BCAS4: variants seen among roughly 807,000 people sequenced by gnomAD.
The protein encoded by BCAS4 is breast carcinoma-amplified sequence 4.
Under a neutral mutation model 15.7 loss-of-function variants are expected in BCAS4, and 9 were observed. The observed-to-expected ratio is 0.57, with a 90% confidence interval of 0.34 to 1.00. The LOEUF (loss-of-function observed/expected upper bound fraction) is 1.00, where lower values mean the gene tolerates loss of function less well. Among genes scored for constraint, BCAS4 ranks in the 50% least tolerant of loss-of-function variants. BCAS4 has a pLI of 0.02. For synonymous variants in BCAS4, 101 were observed against 99.5 expected (o/e 1.02, Z -0.09); for missense variants, 225 against 239.1 (o/e 0.94, Z 0.39).
intron 1 of BCAS4, among the ~76,000 whole-genome samples, chr20:50,812,166 T>C (rs1235651953): frequency 2.6e-5 from 4 of 152,098 alleles, no homozygotes; most frequent in Non-Finnish European, 5.9e-5. Flanking sequence ...GGAATCTCAC[T>C]CTGTTGCCCA....
Position 50,820,518 on chromosome 20 carries a change from C to T in BCAS4, c.162+2236C>T, listed in dbSNP as rs866972662. Among the ~76,000 whole-genome samples the T allele has an allele frequency of 5.9e-5, 9 of 152,246 alleles. 1 individual carries two copies. The South Asian group carries it at 1.7e-3, about 28-fold the overall frequency. ...TATGGCTGGGCACTGGGTGAAGGATCGTGGTTGCGGGCAGGGAAGGCAGGT... is the reference window on the plus strand; with the variant it reads ...TATGGCTGGGCACTGGGTGAAGGATTGTGGTTGCGGGCAGGGAAGGCAGGT... On this transcript the variant is annotated intron_variant, in intron 2 of 4. Coordinates refer to ENST00000371608, the MANE Select transcript of BCAS4 (RefSeq NM_198799.4).
intron 1 of BCAS4, among the ~76,000 whole-genome samples, chr20:50,800,559 C>CTTT (rs562113048): frequency 1.7e-4 from 19 of 112,622 alleles, no homozygotes; most frequent in African/African-American, 3.7e-4. Flanking sequence ...TTGAACATCC[C>CTTT]TTTTTTTTTT....
chr20:50,871,262 C>T (rs947379223), intron 4 of BCAS4, among the ~76,000 whole-genome samples: 1 of 152,230 alleles, frequency 6.6e-6, no homozygotes, highest in Admixed American at 6.5e-5. Context: ...TGAGACATAG[C>T]GACTCCTCCC....
At chr20:50,836,969 A>C (rs1446049747) in intron 3 of BCAS4, among the ~76,000 whole-genome samples, 1 of 152,108 alleles carries the variant, frequency 6.6e-6, no homozygotes, top group Non-Finnish European at 1.5e-5. Flanking sequence ...TGGCCTCTCA[A>C]AGTGCCAAGA....
chr20:50,856,128 A>ATGGCAGGTGTGATCGGTGTCT (rs1978749563), intron 4 of BCAS4, among the ~76,000 whole-genome samples: 2 of 152,226 alleles, frequency 1.3e-5, no homozygotes, highest in Non-Finnish European at 2.9e-5. Context: ...GATCGGTGTC[A>ATGGCAGGTGTGATCGGTGTCT]GAACGCAGGT....
At chr20:50,866,572 T>G (rs1189512276) in intron 4 of BCAS4, among the ~76,000 whole-genome samples, 1 of 152,256 alleles carries the variant, frequency 6.6e-6, no homozygotes, top group East Asian at 1.9e-4. Context: ...TTTTTAAATT[T>G]GTCTGCAAGC....
At chr20:50,814,108 C>T (rs773052762) in intron 1 of BCAS4, among the ~76,000 whole-genome samples, 72 of 152,226 alleles carry the variant, frequency 4.7e-4, no homozygotes, top group South Asian at 3.9e-3. Context: ...TTATCCTGAG[C>T]GCCTTCCTGT....
At chr20:50,840,900 G>A in intron 3 of BCAS4, 2 of 653,746 alleles carry the variant, frequency 3.1e-6, no homozygotes, top group African/African-American at 1.8e-5. Flanking sequence ...CGCGATCTCA[G>A]CTCACTGCAA....
intron 4 of BCAS4, among the ~76,000 whole-genome samples, chr20:50,861,383 G>A (rs922768539): frequency 2.0e-5 from 3 of 152,212 alleles, no homozygotes; most frequent in Non-Finnish European, 4.4e-5. Context: ...GGCCTGCACC[G>A]TGTGGAGCCC....
intron 3 of BCAS4, chr20:50,840,922 C>G (rs902690595): frequency 1.7e-6 from 1 of 581,454 alleles, no homozygotes. Flanking sequence ...CTCCGCCTCC[C>G]GGGTTCAAGT....
At chr20:50,849,549 C>T (rs763717115) in intron 4 of BCAS4, among the ~76,000 whole-genome samples, 6 of 152,182 alleles carry the variant, frequency 3.9e-5, no homozygotes, top group Admixed American at 3.3e-4. Context: ...TGCAGCGCTC[C>T]CAGGGTGATC....
Position 50,864,014 on chromosome 20 carries a change from C to T in BCAS4, c.400-12472C>T, listed in dbSNP as rs116911052. 1.5e-4 allele frequency among the ~76,000 whole-genome samples: 23 copies of T among 152,350 alleles called. No individual in the cohort carries two copies. In the East Asian group the frequency reaches 3.9e-3, roughly 26 times the overall value. The stretch of plus-strand genomic sequence containing the variant: ...CCCATGGTGTTTTCTCAGCCAGGAG[C>T]GCCAGCACCATGCTGTCCCTTGTTC... On this transcript the variant is annotated intron_variant, in intron 4 of 4. Coordinates refer to ENST00000371608, the MANE Select transcript of BCAS4 (RefSeq NM_198799.4).
chr20:50,880,713 CCTTTCCCA>C (rs1186685125), downstream of BCAS4: 1 of 152,184 alleles, frequency 6.6e-6, no homozygotes, highest in Non-Finnish European at 1.5e-5. Context: ...CGGTCAACCC[CCTTTCCCA>C]CTTTCCCAGC....
Position 50,876,807 on chromosome 20 carries a change from G to A in BCAS4, c.*199G>A. The A allele has an allele frequency of 1.6e-6, 1 of 613,590 alleles. No individual in the cohort carries two copies. Among genetic ancestry groups the A allele is most frequent in the East Asian group, 4.3e-5 (1 of 23,064 alleles). The allele number at this position is 613,590 out of a possible 1,614,324, so 38.0% of individuals were successfully genotyped here. On this transcript the variant is annotated 3_prime_UTR_variant, in exon 5 of 5. Transcript: ENST00000371608. ...GATCCACCCACCTTGGCCTTCCAAA[G>A]TGGTGGGATTATGGGCAGGAGCCTC... is the stretch of plus-strand genomic sequence containing the variant.
intron 2 of BCAS4, among the ~76,000 whole-genome samples, chr20:50,827,143 G>A (rs1168949060): frequency 4.6e-5 from 7 of 152,204 alleles, no homozygotes; most frequent in Non-Finnish European, 7.3e-5. Context: ...CCAGTCTAAG[G>A]TGCCACATGG....
At chr20:50,810,307 G>A (rs1600850552) in intron 1 of BCAS4, among the ~76,000 whole-genome samples, 1 of 152,024 alleles carries the variant, frequency 6.6e-6, no homozygotes, top group East Asian at 1.9e-4. Flanking sequence ...ATTGGTCTAA[G>A]CAAGTCACAG....
At chr20:50,801,810 AG>A (rs2087929734) in intron 1 of BCAS4, among the ~76,000 whole-genome samples, 1 of 152,090 alleles carries the variant, frequency 6.6e-6, no homozygotes, top group African/African-American at 2.4e-5. Flanking sequence ...GAGACACCTG[AG>A]GGGTGATAGG....
At chr20:50,813,732 T>C (rs1350048187) in intron 1 of BCAS4, among the ~76,000 whole-genome samples, 6 of 116,190 alleles carry the variant, frequency 5.2e-5, no homozygotes, top group South Asian at 6.0e-4. Flanking sequence ...GGCCAGCCCC[T>C]CTTCAATGTT....
chr20:50,868,915 C>T lies in BCAS4; in HGVS notation c.400-7571C>T, dbSNP rs140616402. 9.8e-5 allele frequency among the ~76,000 whole-genome samples: 15 copies of T among 152,314 alleles called. No homozygotes were observed. In the East Asian group the frequency reaches 1.4e-3, roughly 14 times the overall value. The stretch of plus-strand genomic sequence containing the variant: ...TGTGACAAGAAGTACTAAGGTGGCC[C>T]GTTGAGCTGACAGGGCGTCTCAAGG... On this transcript the variant is annotated intron_variant, in intron 4 of 4. Transcript: ENST00000371608.
Sources: allele counts gnomAD v4.1 joint callset (sites outside exome capture counted in the v4.1 genomes callset), GRCh38; gene constraint gnomAD v4.1.1; transcripts MANE v1.5; gene names NCBI Gene and HGNC (gene_info 2026-07-23, HGNC 2026-07-21).